SERPINI1: variants seen among roughly 807,000 people sequenced by gnomAD.
SERPINI1 encodes the protein serpin family I member 1.
A neutral mutation model predicts 41.1 loss-of-function variants in SERPINI1; 19 were observed. That is an observed-to-expected ratio of 0.46 (90% CI 0.32 to 0.68). SERPINI1 has a LOEUF of 0.68. Among genes scored for constraint, SERPINI1 ranks in the 30% least tolerant of loss-of-function variants. The pLI is 0.03. For missense variants in SERPINI1, 460 were observed against 479.2 expected (o/e 0.96, Z 0.37); for synonymous variants, 138 against 156.6 (o/e 0.88, Z 0.89).
intron 5 of SERPINI1, chr3:167,800,164 C>T (rs926861517): frequency 7.3e-4 from 111 of 152,156 alleles, no homozygotes; most frequent in African/African-American, 2.6e-3. Flanking sequence ...TGAAATACCG[C>T]AAGATTTATA....
At position 167,816,832 on chromosome 3, in the gene SERPINI1, C is replaced by T. The variant is rs960078992; in HGVS notation, c.980-6154C>T. 3.3e-5 allele frequency among the ~76,000 whole-genome samples: 5 copies of T among 152,100 alleles called. No homozygotes were observed. In the East Asian group the frequency reaches 9.7e-4, roughly 30 times the overall value. On this transcript the variant is annotated intron_variant, in intron 6 of 8. Coordinates refer to ENST00000446050, the MANE Select transcript of SERPINI1 (RefSeq NM_001122752.2). Reference sequence around the variant, plus strand: ...CTAGATTAGGTGTCTTACTATACAACAAAAGTTGAGGGAGCTTCTAGGGAA... The same window carrying T: ...CTAGATTAGGTGTCTTACTATACAATAAAAGTTGAGGGAGCTTCTAGGGAA...
At chr3:167,750,848 A>G (rs1391673820) in intron 1 of SERPINI1, among the ~76,000 whole-genome samples, 1 of 152,144 alleles carries the variant, frequency 6.6e-6, no homozygotes, top group South Asian at 2.1e-4. Context: ...GTGTATTTCT[A>G]TGGAATTGTC....
intron 5 of SERPINI1, 123 bp downstream of exon 5, chr3:167,794,947 C>T (rs1433397966): frequency 2.7e-6 from 2 of 749,752 alleles, no homozygotes; most frequent in Non-Finnish European, 4.6e-6. Context: ...TCTTCTTATT[C>T]TTGTTCTTCT....
chr3:167,794,533 A>G lies in SERPINI1; in HGVS notation c.677-87A>G, dbSNP rs1305906980. The G allele has an allele frequency of 3.6e-6, 4 of 1,115,456 alleles. No individual in the cohort carries two copies. The African/African-American group carries it at 4.6e-5, about 13-fold the overall frequency. The allele number at this position is 1,115,456 out of a possible 1,614,324, so 69.1% of individuals were successfully genotyped here. A position where few individuals can be genotyped will look rare whatever the true frequency, so the allele number is the denominator to read the frequency against. On this transcript the variant is annotated intron_variant, in intron 4 of 8. Coordinates refer to ENST00000446050, the MANE Select transcript of SERPINI1 (RefSeq NM_001122752.2). The stretch of plus-strand genomic sequence containing the variant: ...CACAAGTACCTGAGCAGTGTACACT[A>G]TACCAAATATGTAGTCTTTCATCTC...
chr3:167,761,997 A>G (rs1450082762), intron 1 of SERPINI1, among the ~76,000 whole-genome samples: 4 of 152,162 alleles, frequency 2.6e-5, no homozygotes, highest in African/African-American at 9.7e-5. Flanking sequence ...TACTTTCCCT[A>G]TAAGTAGAAT....
At chr3:167,769,013 G>C (rs767736281) in intron 1 of SERPINI1, among the ~76,000 whole-genome samples, 2 of 129,986 alleles carry the variant, frequency 1.5e-5, no homozygotes, top group Non-Finnish European at 3.4e-5. Flanking sequence ...TGTTTGTTTT[G>C]AGATGGAGTG....
chr3:167,779,645 C>A (rs1727060439), intron 1 of SERPINI1, among the ~76,000 whole-genome samples: 1 of 152,136 alleles, frequency 6.6e-6, no homozygotes, highest in African/African-American at 2.4e-5. Context: ...ATCATCTTGG[C>A]CCATTCCCAA....
intron 1 of SERPINI1, among the ~76,000 whole-genome samples, chr3:167,750,554 C>T (rs1726010823): frequency 6.6e-6 from 1 of 152,166 alleles, no homozygotes; most frequent in African/African-American, 2.4e-5. Flanking sequence ...TGGGTGTTGT[C>T]TAGAAGGAAA....
chr3:167,794,690 T>C lies in SERPINI1; in HGVS notation c.747T>C (p.Asp249=), dbSNP rs751092222. Reference sequence around the variant, plus strand: ...TCCTAGAAATACCATATGAAGGAGATGAAATAAGCATGATGCTGGTGCTGT... The same window carrying C: ...TCCTAGAAATACCATATGAAGGAGACGAAATAAGCATGATGCTGGTGCTGT... The part of the protein sequence containing the change: ...YQVLEIPYEG[D]EISMMLVLSR... Residue 249 remains aspartate (D), a synonymous_variant, in exon 5 of 9, where the codon GAT becomes GAC. Coordinates refer to ENST00000446050, the MANE Select transcript of SERPINI1 (RefSeq NM_001122752.2). The C allele has an allele frequency of 3.7e-6, 6 of 1,613,386 alleles. No individual in the cohort carries two copies. In the East Asian group the frequency reaches 8.9e-5, roughly 24 times the overall value.
chr3:167,770,768 A>G lies in SERPINI1; in HGVS notation c.-18-18343A>G, dbSNP rs114280945. Among the ~76,000 whole-genome samples, 1,029 of 152,314 alleles carry G rather than the reference A, an allele frequency of 6.8e-3. 6 individuals carry two copies. Among genetic ancestry groups the G allele is most frequent in the African/African-American group, 0.021 (886 of 41,582 alleles). Reference sequence around the variant, plus strand: ...CAACAGTAAAATAAAGCCCAGGCATAGTAATTTGTTGACGTGCATCTCAAA... The same window carrying G: ...CAACAGTAAAATAAAGCCCAGGCATGGTAATTTGTTGACGTGCATCTCAAA... On this transcript the variant is annotated intron_variant, in intron 1 of 8. Transcript: ENST00000446050.
intron 6 of SERPINI1, among the ~76,000 whole-genome samples, chr3:167,818,255 T>G (rs998078396): frequency 6.6e-5 from 10 of 150,978 alleles, no homozygotes; most frequent in Non-Finnish European, 4.4e-5. Context: ...CTCGAACTCC[T>G]GACCTCAGGT....
At chr3:167,776,290 T>C (rs1344664190) in intron 1 of SERPINI1, among the ~76,000 whole-genome samples, 2 of 152,236 alleles carry the variant, frequency 1.3e-5, no homozygotes, top group African/African-American at 4.8e-5. Flanking sequence ...AAGTCATTCA[T>C]TGGCAAGTAC....
At chr3:167,810,538 T>G (rs1257479231) in intron 6 of SERPINI1, among the ~76,000 whole-genome samples, 2 of 152,186 alleles carry the variant, frequency 1.3e-5, no homozygotes, top group Non-Finnish European at 2.9e-5. Flanking sequence ...AGCATATACC[T>G]TAATGTAGAA....
chr3:167,819,009 A>T (rs968226134), intron 6 of SERPINI1, among the ~76,000 whole-genome samples: 1 of 152,206 alleles, frequency 6.6e-6, no homozygotes, highest in Non-Finnish European at 1.5e-5. Flanking sequence ...TTTGTATTCA[A>T]GGTCATGATA....
intron 1 of SERPINI1, among the ~76,000 whole-genome samples, chr3:167,757,936 A>G (rs1726243247): frequency 6.6e-6 from 1 of 152,196 alleles, no homozygotes; most frequent in South Asian, 2.1e-4. Context: ...AAAGAAAAAT[A>G]TAAATGTTCC....
chr3:167,764,318 G>A (rs1362786135), intron 1 of SERPINI1, among the ~76,000 whole-genome samples: 1 of 152,202 alleles, frequency 6.6e-6, no homozygotes, highest in Non-Finnish European at 1.5e-5. Context: ...TGGACTTACA[G>A]TTCCACGTGG....
At chr3:167,820,289 C>T (rs1712270046) in intron 6 of SERPINI1, among the ~76,000 whole-genome samples, 1 of 152,206 alleles carries the variant, frequency 6.6e-6, no homozygotes, top group African/African-American at 2.4e-5. Context: ...GGGCTTCATG[C>T]TCCATGGAGC....
intron 1 of SERPINI1, among the ~76,000 whole-genome samples, chr3:167,736,562 G>T (rs769674859): frequency 1.4e-4 from 21 of 152,150 alleles, no homozygotes; most frequent in Admixed American, 1.2e-3. Flanking sequence ...GATAATATGT[G>T]TACATTTTAA....
chr3:167,766,514 T>A (rs1001560807), intron 1 of SERPINI1, among the ~76,000 whole-genome samples: 2 of 152,174 alleles, frequency 1.3e-5, no homozygotes, highest in Non-Finnish European at 2.9e-5. Flanking sequence ...AACTTGAGAT[T>A]TGGGTGGGGA....
Sources: allele counts gnomAD v4.1 joint callset (sites outside exome capture counted in the v4.1 genomes callset), GRCh38; gene constraint gnomAD v4.1.1; transcripts MANE v1.5; gene names NCBI Gene and HGNC (gene_info 2026-07-23, HGNC 2026-07-21).